BCAM: variants seen among roughly 807,000 people sequenced by gnomAD.
The protein encoded by BCAM is basal cell adhesion molecule (Lutheran blood group), also known as basal cell adhesion molecule.
In BCAM, 61 loss-of-function variants were observed where a neutral mutation model predicts 72.4. That is an observed-to-expected ratio of 0.84 (90% confidence interval 0.69 to 1.04). The LOEUF (loss-of-function observed/expected upper bound fraction) is 1.04. Ranked by LOEUF, BCAM falls within the 50% of genes least tolerant of loss-of-function variation. The probability of loss-of-function intolerance (pLI) is 0.00; values close to 1 mark genes in which losing one functional copy is unlikely to be tolerated. For synonymous variants in BCAM, 408 were observed against 384.2 expected, an observed-to-expected ratio of 1.06 and a Z score of -0.73; for missense variants, 909 against 895.0, an observed-to-expected ratio of 1.02 and a Z score of -0.20.
intron 8 of BCAM, among the ~76,000 whole-genome samples, chr19:44,816,070 C>T (rs531957267): frequency 6.6e-6 from 1 of 152,062 alleles, no homozygotes; most frequent in Non-Finnish European, 1.5e-5. Context: ...GTAATCCCAA[C>T]ACTTTGGGAG....
In BCAM at chr19:44,819,094, G is replaced by A; in HGVS notation, c.1375G>A (p.Ala459Thr). 6.2e-7 allele frequency: 1 copy of A among 1,614,014 alleles called. No homozygotes were observed. Among genetic ancestry groups the A allele is most frequent in the Non-Finnish European group, 8.5e-7 (1 of 1,179,990 alleles). The change falls in exon 11 of 15, where the codon GCA (alanine) becomes ACA (threonine). Residue 459 changes from alanine (A) to threonine (T), a missense_variant. Coordinates refer to ENST00000270233, the MANE Select transcript of BCAM (RefSeq NM_005581.5). ...AAAGACAGCGGAAATAGAGCCCAAG[G>A]CAGATGGCAGCTGGAGGGAAGGAGA... is the stretch of plus-strand genomic sequence containing the variant. ...ELKTAEIEPKADGSWREGDEV... is the reference protein window; with the variant it reads ...ELKTAEIEPKTDGSWREGDEV...
rs778381698 is a variant in BCAM at position 44,819,635 on chromosome 19, G to A, written c.1672G>A (p.Val558Met). 1.9e-6 allele frequency: 3 copies of A among 1,613,586 alleles called. No homozygotes were observed. The highest frequency in any genetic ancestry group is 1.1e-5 in the South Asian group (1 of 91,060). ...GVAVMAVAVS[V>M]GLLLLVVAVF... ...GGCCGTCATGGCCGTGGCCGTCAGC[G>A]TGGGCCTCCTGCTCCTCGTCGTTGC... The change falls in exon 13 of 15, where the codon GTG becomes ATG. Residue 558 changes from valine to methionine, a missense_variant. By Grantham distance (21) the Val-to-Met change is conservative. Coordinates refer to ENST00000270233, the MANE Select transcript of BCAM (RefSeq NM_005581.5).
rs1019305432 is a variant in BCAM at position 44,811,668 on chromosome 19, C to T, written c.204+322C>T. 14 of 337,252 alleles carry T rather than the reference C, an allele frequency of 4.2e-5. No homozygotes were observed. In the Admixed American group the frequency reaches 4.2e-4, roughly 10 times the overall value. The allele number at this position is 337,252 out of a possible 1,614,324, so 20.9% of individuals were successfully genotyped here. Reference sequence around the variant, plus strand: ...TTGGGAGGCCGAGGCGGGTGGATCACGAGGTCAAGAGATCAAGACTGTCCT... The same window carrying T: ...TTGGGAGGCCGAGGCGGGTGGATCATGAGGTCAAGAGATCAAGACTGTCCT... On this transcript the variant is annotated intron_variant, in intron 2 of 14. Transcript: ENST00000270233.
At chr19:44,820,185 C>T in intron 13 of BCAM, 1 of 1,016,058 alleles carries the variant, frequency 9.8e-7, no homozygotes, top group Non-Finnish European at 1.2e-6. Context: ...AACCTCCAGC[C>T]CCAACACCCA....
rs1022223933 is a variant in BCAM at position 44,812,503 on chromosome 19, C to G, written c.459C>G (p.Ser153=). Residue 153 remains serine, a synonymous_variant, in exon 4 of 15, where the codon TCC becomes TCG. Coordinates refer to ENST00000270233, the MANE Select transcript of BCAM (RefSeq NM_005581.5). The surrounding 1 kb of genome is among the most constrained non-coding windows in gnomAD (Gnocchi z 5.3). ...CAAAGCCAGAGGCCACTGAGGTCTCCCCCAACAAAGGGACACTGTCTGTGA... is the reference window on the plus strand; with the variant it reads ...CAAAGCCAGAGGCCACTGAGGTCTCGCCCAACAAAGGGACACTGTCTGTGA... ...VFAKPEATEV[S]PNKGTLSVME... 2 of 1,614,100 alleles carry G rather than the reference C, an allele frequency of 1.2e-6. No homozygotes were observed. The highest frequency in any genetic ancestry group is 1.7e-6 in the Non-Finnish European group (2 of 1,180,052).
Position 44,819,338 on chromosome 19 carries a change from C to A in BCAM, c.1474-8C>A, listed in dbSNP as rs754769675. The A allele has an allele frequency of 3.1e-6, 5 of 1,614,040 alleles. No individual in the cohort carries two copies. In the East Asian group the frequency reaches 1.1e-4, roughly 36 times the overall value. ...CCACCAGCCGGGGCCTGATCGGAGC[C>A]TCCATAGCCCGCAGAGCCAATCCCC... On this transcript the variant is annotated splice_polypyrimidine_tract_variant and splice_region_variant and intron_variant, in intron 11 of 14. Transcript: ENST00000270233.
chr19:44,810,241 C>T (rs190081208), intron 1 of BCAM, among the ~76,000 whole-genome samples: 1 of 152,272 alleles, frequency 6.6e-6, no homozygotes, highest in African/African-American at 2.4e-5. Flanking sequence ...TCCCTCTGAT[C>T]CCAGGAGTCC....
At position 44,821,315 on chromosome 19, in the gene BCAM, C is replaced by G. The variant is rs866489052; in HGVS notation, c.*394C>G. Reference sequence around the variant, plus strand: ...AGAGTCTGACACTGGATTCCCCCCCCTCACCCCGCCCCTGGTCCCACTCCT... The same window carrying G: ...AGAGTCTGACACTGGATTCCCCCCCGTCACCCCGCCCCTGGTCCCACTCCT... On this transcript the variant is annotated 3_prime_UTR_variant, in exon 15 of 15. Transcript: ENST00000270233. 129 of 202,940 alleles carry G rather than the reference C, an allele frequency of 6.4e-4. No homozygotes were observed. The highest frequency in any genetic ancestry group is 5.3e-3 in the Middle Eastern group (3 of 564). The allele number at this position is 202,940 out of a possible 1,614,324, so 12.6% of individuals were successfully genotyped here. A position where few individuals can be genotyped will look rare whatever the true frequency, so the allele number is the denominator to read the frequency against.
rs1161037658 is a variant in BCAM at position 44,818,822 on chromosome 19, G to T, written c.1276G>T (p.Ala426Ser). ...TTCCAATGGCACCTACGTATGTGAG[G>T]CCTCCCTGCCCACAGTCCCGGTCCT... The part of the protein sequence containing the change: ...FDSNGTYVCE[A>S]SLPTVPVLSR... Residue 426 changes from alanine (A) to serine (S), a missense_variant, in exon 10 of 15, where the codon GCC becomes TCC. Ala to Ser is a moderately conservative substitution (Grantham distance 99). Transcript: ENST00000270233. The surrounding 1 kb of genome is among the most constrained non-coding windows in gnomAD (Gnocchi z 4.6). 1.9e-6 allele frequency: 3 copies of T among 1,613,928 alleles called. No individual in the cohort carries two copies. The African/African-American group carries it at 4.0e-5, about 22-fold the overall frequency.
chr19:44,814,967 C>T lies in BCAM; in HGVS notation c.1078+207C>T, dbSNP rs1248608690. ...CTGGCTACGTTGCCCAGGCTGGTCT[C>T]GAACTCCTCATGCGATCCTCCTGCC... On this transcript the variant is annotated intron_variant, in intron 8 of 14. Transcript: ENST00000270233. The surrounding 1 kb of genome is among the most constrained non-coding windows in gnomAD (Gnocchi z 4.6). Among the ~76,000 whole-genome samples the T allele has an allele frequency of 6.7e-6, 1 of 148,206 alleles. No homozygotes were observed. Among genetic ancestry groups the T allele is most frequent in the Non-Finnish European group, 1.5e-5 (1 of 67,448 alleles).
rs780193506 is a variant in BCAM, at chr19:44,813,234, C to A, written c.505-16C>A. 6.2e-7 allele frequency: 1 copy of A among 1,613,522 alleles called. No individual in the cohort carries two copies. The highest frequency in any genetic ancestry group is 1.1e-5 in the South Asian group (1 of 91,000). On this transcript the variant is annotated splice_polypyrimidine_tract_variant and intron_variant, in intron 4 of 14. Coordinates refer to ENST00000270233, the MANE Select transcript of BCAM (RefSeq NM_005581.5). The surrounding 1 kb of genome is among the most constrained non-coding windows in gnomAD (Gnocchi z 4.2). The stretch of plus-strand genomic sequence containing the variant: ...TCCCAGCTCCAAGCCCAGGGCCATG[C>A]CCGTGTCTGCCTCAGATCGCCACCT...
intron 8 of BCAM, among the ~76,000 whole-genome samples, chr19:44,816,875 G>T (rs757546490): frequency 1.3e-5 from 2 of 151,664 alleles, no homozygotes; most frequent in Non-Finnish European, 2.9e-5. Context: ...GGAGGCGGAG[G>T]TTGCAGTGAG....
Position 44,819,352 on chromosome 19 carries a change from G to A in BCAM, c.1480G>A (p.Glu494Lys), listed in dbSNP as rs1357092247. 15 of 1,613,926 alleles carry A rather than the reference G, an allele frequency of 9.3e-6. No individual in the cohort carries two copies. The highest frequency in any genetic ancestry group is 1.3e-5 in the Non-Finnish European group (15 of 1,179,956). The change falls in exon 12 of 15, where the codon GAG becomes AAG. Residue 494 changes from glutamate (E) to lysine (K), a missense_variant. Coordinates refer to ENST00000270233, the MANE Select transcript of BCAM (RefSeq NM_005581.5). ...CTGATCGGAGCCTCCATAGCCCGCAGAGCCAATCCCCGGACGGCAGGGTTG... is the reference window on the plus strand; with the variant it reads ...CTGATCGGAGCCTCCATAGCCCGCAAAGCCAATCCCCGGACGGCAGGGTTG... ...SWSQLGGSPA[E>K]PIPGRQGWVS... is the part of the protein sequence containing the mutation.
At chr19:44,820,454 C>G in intron 13 of BCAM, 2 of 1,241,266 alleles carry the variant, frequency 1.6e-6, no homozygotes, top group Non-Finnish European at 1.0e-6. Flanking sequence ...CCATCCCAGA[C>G]CGATCCCAAA....
chr19:44,813,231 A>T lies in BCAM; in HGVS notation c.505-19A>T. 6.2e-7 allele frequency: 1 copy of T among 1,613,548 alleles called. No individual in the cohort carries two copies. ...GAGTCCCAGCTCCAAGCCCAGGGCC[A>T]TGCCCGTGTCTGCCTCAGATCGCCA... On this transcript the variant is annotated intron_variant, in intron 4 of 14. Transcript: ENST00000270233. This position sits in a 1 kb window ranked among gnomAD's most constrained non-coding sequence, Gnocchi z 4.2.
intron 1 of BCAM, among the ~76,000 whole-genome samples, chr19:44,809,839 G>C (rs1476211196): frequency 6.9e-6 from 1 of 143,948 alleles, no homozygotes; most frequent in Non-Finnish European, 1.5e-5. Context: ...ACACCTGCAT[G>C]AGGATAGAAG....
In BCAM at chr19:44,819,444, C is replaced by T; in HGVS notation, c.1572C>T (p.Ala524=). 1 of 1,614,064 alleles carries T rather than the reference C, an allele frequency of 6.2e-7. No individual in the cohort carries two copies. Among genetic ancestry groups the T allele is most frequent in the Non-Finnish European group, 8.5e-7 (1 of 1,179,948 alleles). ...ALSRDGISCE[A]SNPHGNKRHV... ...GCCGCGATGGCATCTCCTGTGAAGC[C>T]TCCAACCCCCACGGGAACAAGCGCC... The change falls in exon 12 of 15, where the codon GCC becomes GCT. Residue 524 remains alanine, a synonymous_variant. Transcript: ENST00000270233.
chr19:44,817,651 T>G (rs1968520391), intron 8 of BCAM, among the ~76,000 whole-genome samples: 2 of 151,892 alleles, frequency 1.3e-5, no homozygotes, highest in African/African-American at 4.8e-5. Context: ...TTCAAGCGAT[T>G]CTCCTGCCTC....
In BCAM at chr19:44,809,131, C is replaced by G. The variant is rs986898045; in HGVS notation, c.7C>G (p.Pro3Ala). Residue 3 changes from proline (P) to alanine (A), a missense_variant, in exon 1 of 15, where the codon CCC becomes GCC. Physicochemically the swap from Pro to Ala is conservative, Grantham distance 27 (BLOSUM62 -1). Transcript: ENST00000270233. MEPPDAPAQARGA... is the reference protein window; with the variant it reads MEAPDAPAQARGA... ...CTCCGCCGCCGCCGTGAACATGGAG[C>G]CCCCGGACGCACCGGCCCAGGCGCG... The G allele has an allele frequency of 2.7e-6, 4 of 1,455,384 alleles. No individual in the cohort carries two copies. The Admixed American group carries it at 9.9e-5, about 36-fold the overall frequency. The allele number at this position is 1,455,384 out of a possible 1,614,324, so 90.2% of individuals were successfully genotyped here.
Sources: allele counts gnomAD v4.1 joint callset (sites outside exome capture counted in the v4.1 genomes callset), GRCh38; gene constraint gnomAD v4.1.1; non-coding constraint Gnocchi (gnomAD v3.1); transcripts MANE v1.5; gene names NCBI Gene and HGNC (gene_info 2026-07-23, HGNC 2026-07-21).